KCNQ5: variants seen among roughly 807,000 people sequenced by gnomAD.
The protein encoded by KCNQ5 is potassium voltage-gated channel subfamily KQT member 5.
In KCNQ5, 30 loss-of-function variants were observed where a neutral mutation model predicts 98.2. That is an observed-to-expected ratio of 0.31 (90% CI 0.23 to 0.41). The LOEUF (loss-of-function observed/expected upper bound fraction) is 0.41. Among genes scored for constraint, KCNQ5 ranks in the 10% least tolerant of loss-of-function variants. The probability of loss-of-function intolerance (pLI) is 1.00; values close to 1 mark genes in which losing one functional copy is unlikely to be tolerated. For missense variants in KCNQ5, 835 were observed against 1,182.5 expected (o/e 0.71, Z 4.31); for synonymous variants, 458 against 449.4 (o/e 1.02, Z -0.24).
chr6:73,169,202 C>T (rs1485056506), intron 10 of KCNQ5, among the ~76,000 whole-genome samples: 1 of 152,154 alleles, frequency 6.6e-6, no homozygotes, highest in East Asian at 1.9e-4. Context: ...TGAAAATCGC[C>T]CTCAGCTTTG....
At chr6:73,095,588 T>A (rs986422701) in intron 5 of KCNQ5, among the ~76,000 whole-genome samples, 1 of 152,178 alleles carries the variant, frequency 6.6e-6, no homozygotes, top group Admixed American at 6.5e-5. Context: ...AAGGCTGTTG[T>A]TCAGATTCTT....
At chr6:73,012,529 A>G (rs1019221098) in intron 2 of KCNQ5, among the ~76,000 whole-genome samples, 12 of 152,092 alleles carry the variant, frequency 7.9e-5, no homozygotes, top group Admixed American at 5.9e-4. Context: ...AGAAGAAAAG[A>G]GTTAGGGAGA....
chr6:72,672,818 T>C (rs1767200684), intron 1 of KCNQ5, among the ~76,000 whole-genome samples: 1 of 152,164 alleles, frequency 6.6e-6, no homozygotes, highest in Non-Finnish European at 1.5e-5. Flanking sequence ...CTAAAGATGA[T>C]AGGAAAAATC....
At chr6:73,040,262 G>C (rs1042056233) in intron 2 of KCNQ5, among the ~76,000 whole-genome samples, 1 of 152,136 alleles carries the variant, frequency 6.6e-6, no homozygotes, top group Admixed American at 6.5e-5. Flanking sequence ...GCCACATTTG[G>C]GATTTTCTTG....
chr6:72,695,233 A>G (rs1458780843), intron 1 of KCNQ5, among the ~76,000 whole-genome samples: 1 of 152,206 alleles, frequency 6.6e-6, no homozygotes, highest in Non-Finnish European at 1.5e-5. Flanking sequence ...CACATAAATG[A>G]CCGTTGTTGT....
At chr6:73,001,515 GC>G (rs1252411233) in intron 1 of KCNQ5, among the ~76,000 whole-genome samples, 1 of 152,148 alleles carries the variant, frequency 6.6e-6, no homozygotes, top group Non-Finnish European at 1.5e-5. Flanking sequence ...TTATAAAACT[GC>G]CATTGGGATG....
chr6:72,929,572 A>G (rs1159972300), intron 1 of KCNQ5, among the ~76,000 whole-genome samples: 1 of 152,188 alleles, frequency 6.6e-6, no homozygotes, highest in Non-Finnish European at 1.5e-5. Flanking sequence ...AGTTGTGCCA[A>G]TGGAATACAT....
intron 1 of KCNQ5, among the ~76,000 whole-genome samples, chr6:72,829,690 G>A (rs1275144466): frequency 6.6e-6 from 1 of 152,182 alleles, no homozygotes; most frequent in Non-Finnish European, 1.5e-5. Flanking sequence ...GGTTCTAGGA[G>A]AAGGAATGTT....
intron 1 of KCNQ5, among the ~76,000 whole-genome samples, chr6:72,702,007 ATT>A (rs1768835831): frequency 6.6e-6 from 1 of 151,902 alleles, no homozygotes; most frequent in South Asian, 2.1e-4. Context: ...ATTTTTTTTA[ATT>A]TTGTGGGCTG....
At chr6:73,128,606 A>G (rs1776093824) in intron 9 of KCNQ5, among the ~76,000 whole-genome samples, 1 of 152,204 alleles carries the variant, frequency 6.6e-6, no homozygotes, top group Admixed American at 6.5e-5. Context: ...AAAACAGATT[A>G]TATTATCTGA....
chr6:73,032,173 A>T (rs1161541121), intron 2 of KCNQ5, among the ~76,000 whole-genome samples: 3 of 152,198 alleles, frequency 2.0e-5, no homozygotes. Flanking sequence ...TCTAAATAGA[A>T]ATACTTGTTT....
chr6:72,910,156 C>G (rs2150204206), intron 1 of KCNQ5, among the ~76,000 whole-genome samples: 1 of 152,180 alleles, frequency 6.6e-6, no homozygotes, highest in Non-Finnish European at 1.5e-5. Flanking sequence ...TGCAGGAATA[C>G]TATTTAACCA....
At position 72,622,627 on chromosome 6, in the gene KCNQ5, C is replaced by T. The variant is rs1238243717; in HGVS notation, c.398+40C>T. ...CCCCTGCTATGCCCGCTGCAGGGGA[C>T]CACTGTCCCTGGCCCCCTGGGGCGT... On this transcript the variant is annotated intron_variant, in intron 1 of 13. Transcript: ENST00000370398. This position sits in a 1 kb window ranked among gnomAD's most constrained non-coding sequence, Gnocchi z 6.0. The T allele has an allele frequency of 3.1e-6, 5 of 1,606,538 alleles. No homozygotes were observed. The highest frequency in any genetic ancestry group is 1.1e-5 in the South Asian group (1 of 90,254).
At chr6:72,683,446 T>C (rs563562215) in intron 1 of KCNQ5, among the ~76,000 whole-genome samples, 1,798 of 150,112 alleles carry the variant, frequency 0.012, 16 homozygotes, top group Non-Finnish European at 0.016. Context: ...CGGCTCACTG[T>C]AAGCTCTGCC....
At chr6:73,094,362 A>G (rs920650376) in intron 5 of KCNQ5, among the ~76,000 whole-genome samples, 2 of 152,152 alleles carry the variant, frequency 1.3e-5, no homozygotes, top group Non-Finnish European at 2.9e-5. Flanking sequence ...CTACAATTCT[A>G]TATCTTTTAA....
At chr6:72,679,608 G>C (rs1424056853) in intron 1 of KCNQ5, among the ~76,000 whole-genome samples, 2 of 151,504 alleles carry the variant, frequency 1.3e-5, no homozygotes, top group African/African-American at 2.4e-5. Context: ...AGTTTTAGGA[G>C]ATATACCTAA....
chr6:72,962,514 T>A (rs527333740), intron 1 of KCNQ5, among the ~76,000 whole-genome samples: 23 of 152,058 alleles, frequency 1.5e-4, no homozygotes, highest in Middle Eastern at 3.4e-3. Context: ...AATTAATAAG[T>A]AAAATAAATC....
At chr6:72,800,101 T>C (rs1279157290) in intron 1 of KCNQ5, among the ~76,000 whole-genome samples, 1 of 152,202 alleles carries the variant, frequency 6.6e-6, no homozygotes, top group Non-Finnish European at 1.5e-5. Context: ...AGAGAAAGCC[T>C]ACCTTTATTC....
intron 10 of KCNQ5, among the ~76,000 whole-genome samples, chr6:73,164,475 A>G (rs1777721047): frequency 6.6e-6 from 1 of 152,224 alleles, no homozygotes; most frequent in Admixed American, 6.5e-5. Context: ...GTATAATGTA[A>G]TTGATGACCG....
Sources: gnomAD v4.1 joint callset for allele counts (sites outside exome capture counted in the v4.1 genomes callset) on GRCh38, gnomAD v4.1.1 for gene constraint, Gnocchi (gnomAD v3.1) non-coding constraint, MANE v1.5 for transcripts, NCBI Gene and HGNC (gene_info 2026-07-23, HGNC 2026-07-21) for gene names.